The following NOL6 variants were observed in gnomAD, a reference collection of about 807,000 sequenced individuals.
NOL6 encodes nucleolar RNA-associated protein.
NOL6 carries 33 observed loss-of-function variants against 131.7 expected under a neutral mutation model. The ratio of observed to expected loss-of-function variants is 0.25; its 90% CI spans 0.19 to 0.33. The LOEUF is 0.33. Among genes scored for constraint, NOL6 ranks in the 10% least tolerant of loss-of-function variants. The probability of loss-of-function intolerance (pLI) is 1.00; values close to 1 mark genes in which losing one functional copy is unlikely to be tolerated. For synonymous variants in NOL6, 580 were observed against 605.7 expected, an observed-to-expected ratio of 0.96 and a Z score of 0.62; for missense variants, 1,297 against 1,494.5, an observed-to-expected ratio of 0.87 and a Z score of 2.18.
chr9:33,466,890 G>A lies in NOL6; in HGVS notation c.1950+22C>T, dbSNP rs772406512. 24 of 1,611,602 alleles carry A rather than the reference G, an allele frequency of 1.5e-5. No individual in the cohort carries two copies. The highest frequency in any genetic ancestry group is 1.9e-5 in the Non-Finnish European group (22 of 1,178,860). ...CAGATTGATTACTCTACAATCACTAGCCTTGACCCCAAGACCCTTACCTCT... is the reference window on the plus strand; with the variant it reads ...CAGATTGATTACTCTACAATCACTAACCTTGACCCCAAGACCCTTACCTCT... On this transcript the variant is annotated intron_variant, in intron 15 of 25. Coordinates refer to ENST00000297990, the MANE Select transcript of NOL6 (RefSeq NM_022917.5).
chr9:33,467,898 T>C lies in NOL6; in HGVS notation c.1425-30A>G. 6.3e-7 allele frequency: 1 copy of C among 1,581,720 alleles called. No individual in the cohort carries two copies. The highest frequency in any genetic ancestry group is 1.8e-4 in the Middle Eastern group (1 of 5,576). ...AGGGGTACAAAGGGCCAAAGAGGGG[T>C]AATCAGGTTGCTGGCCCCTAGTACC... On this transcript the variant is annotated intron_variant, in intron 11 of 25. Transcript: ENST00000297990. The surrounding 1 kb of genome is among the most constrained non-coding windows in gnomAD (Gnocchi z 4.4).
rs201927267 is a variant in NOL6 at position 33,464,196 on chromosome 9, C to T, written c.2780-35G>A. The T allele has an allele frequency of 6.3e-5, 100 of 1,575,668 alleles. No individual in the cohort carries two copies. In the East Asian group the frequency reaches 2.2e-3, roughly 35 times the overall value. On this transcript the variant is annotated intron_variant, in intron 21 of 25. Coordinates refer to ENST00000297990, the MANE Select transcript of NOL6 (RefSeq NM_022917.5). ...AGAATGGGTCCTGGGTCAGCCTGCT[C>T]CTCCCTGTAAGACACCCTCTACTCC... is the stretch of plus-strand genomic sequence containing the variant.
At chr9:33,469,935 G>T (rs140249289) in intron 4 of NOL6, 77 bp downstream of exon 4, 6 of 1,396,702 alleles carry the variant, frequency 4.3e-6, no homozygotes, top group South Asian at 1.4e-5. Context: ...CCTGGCAAGC[G>T]GCAGATAAGA....
At position 33,469,428 on chromosome 9, in the gene NOL6, C is replaced by G; in HGVS notation, c.727+71G>C. 3 of 1,601,230 alleles carry G rather than the reference C, an allele frequency of 1.9e-6. No homozygotes were observed. The South Asian group carries it at 3.3e-5, about 18-fold the overall frequency. On this transcript the variant is annotated intron_variant, in intron 5 of 25. Transcript: ENST00000297990. The stretch of plus-strand genomic sequence containing the variant: ...CCTGTCCCCCCATACTTGAGGCCTC[C>G]GTGCCTCTGTGCCTTCTCCTCCAGA...
Position 33,469,002 on chromosome 9 carries a change from C to A in NOL6, c.982G>T (p.Val328Leu), listed in dbSNP as rs1236866474. Residue 328 changes from valine to leucine, a missense_variant, in exon 7 of 26, where the codon GTG (valine) becomes TTG (leucine). Transcript: ENST00000297990. ...CGCAGCCAGACCTTCAGAAGTGCCA[C>A]GCCATCCTTCAGGCCCTGGGCTGAA... is the stretch of plus-strand genomic sequence containing the variant. Reference protein sequence around the residue: ...LSSAQGLKDGVALLKVWLRQR... With the variant: ...LSSAQGLKDGLALLKVWLRQR... 6.2e-7 allele frequency: 1 copy of A among 1,614,182 alleles called. No homozygotes were observed. The highest frequency in any genetic ancestry group is 8.5e-7 in the Non-Finnish European group (1 of 1,180,024).
intron 3 of NOL6, among the ~76,000 whole-genome samples, 178 bp downstream of exon 3, chr9:33,471,826 A>G (rs750377109): frequency 6.6e-6 from 1 of 152,262 alleles, no homozygotes; most frequent in Non-Finnish European, 1.5e-5. Context: ...ACTGCAAGGC[A>G]TGGAAGTACT....
rs1049808135 is a variant in NOL6, at chr9:33,462,076, T to C, written c.*588A>G. 5 of 711,776 alleles carry C rather than the reference T, an allele frequency of 7.0e-6. No individual in the cohort carries two copies. Among genetic ancestry groups the C allele is most frequent in the Non-Finnish European group, 1.3e-5 (5 of 381,064 alleles). 44.1% of individuals were successfully genotyped at this position (711,776 alleles called of 1,614,324 possible). Reference sequence around the variant, plus strand: ...CTGTCCTCGGTTCTTTTCCACTGTCTCCACCCTGGGAAGTGGCATCAACAC... The same window carrying C: ...CTGTCCTCGGTTCTTTTCCACTGTCCCCACCCTGGGAAGTGGCATCAACAC... On this transcript the variant is annotated 3_prime_UTR_variant, in exon 26 of 26. Coordinates refer to ENST00000297990, the MANE Select transcript of NOL6 (RefSeq NM_022917.5).
In NOL6 at chr9:33,469,018, C is replaced by T. The variant is rs1178077763; in HGVS notation, c.966G>A (p.Gln322=). The T allele has an allele frequency of 6.2e-7, 1 of 1,614,216 alleles. No individual in the cohort carries two copies. Among genetic ancestry groups the T allele is most frequent in the South Asian group, 1.1e-5 (1 of 91,092 alleles). ...QLLSTILSSA[Q]GLKDGVALLK... Reference sequence around the variant, plus strand: ...GAAGTGCCACGCCATCCTTCAGGCCCTGGGCTGAACTCAGAATGGTTGACA... The same window carrying T: ...GAAGTGCCACGCCATCCTTCAGGCCTTGGGCTGAACTCAGAATGGTTGACA... The change falls in exon 7 of 26, where the codon CAG becomes CAA. Residue 322 remains glutamine, a synonymous_variant. Transcript: ENST00000297990.
chr9:33,467,070 C>G lies in NOL6; in HGVS notation c.1874+44G>C, dbSNP rs1278166173. The G allele has an allele frequency of 1.9e-6, 3 of 1,613,346 alleles. No individual in the cohort carries two copies. In the South Asian group the frequency reaches 3.3e-5, roughly 18 times the overall value. ...CCTGGGCCAGACCCCTGAAAAGGCT[C>G]CCCAGCCCACACTGCCTTCTGGAAT... On this transcript the variant is annotated intron_variant, in intron 14 of 25. Coordinates refer to ENST00000297990, the MANE Select transcript of NOL6 (RefSeq NM_022917.5). The surrounding 1 kb of genome is among the most constrained non-coding windows in gnomAD (Gnocchi z 4.4).
intron 18 of NOL6, 81 bp from the exon 19 acceptor site, chr9:33,465,978 C>T (rs886195637): frequency 6.4e-6 from 10 of 1,572,342 alleles, no homozygotes; most frequent in Non-Finnish European, 6.9e-6. Context: ...GCCCTATTAC[C>T]CAGCGTGGTA....
chr9:33,468,540 T>A lies in NOL6; in HGVS notation c.1174A>T (p.Ile392Phe). ...LATTDLTVNG[I>F]SLCLSSDPSL... ...GGATCTGAGCTGAGACATAAACTGA[T>A]CCCGTTGACTGTCAGGTCTGTAGTG... Residue 392 changes from isoleucine to phenylalanine, a missense_variant, in exon 9 of 26, where the codon ATC (isoleucine) becomes TTC (phenylalanine). Ile to Phe is a conservative substitution (Grantham distance 21). Transcript: ENST00000297990. 1 of 1,614,118 alleles carries A rather than the reference T, an allele frequency of 6.2e-7. No homozygotes were observed.
Position 33,465,342 on chromosome 9 carries a change from G to T in NOL6, c.2546C>A (p.Pro849Gln). 6.3e-7 allele frequency: 1 copy of T among 1,590,246 alleles called. No homozygotes were observed. Among genetic ancestry groups the T allele is most frequent in the Non-Finnish European group, 8.6e-7 (1 of 1,166,944 alleles). ...SALHGLQQQH[P>Q]AFSGVARLAK... is the part of the protein sequence containing the mutation. ...CAGCCGTGCCACACCAGAGAAGGCT[G>T]GGTGCTGCTGCTGCAGTCTGCAGAG... Residue 849 changes from proline (P) to glutamine (Q), a missense_variant, in exon 20 of 26, where the codon CCA becomes CAA. Physicochemically the swap from Pro to Gln is moderately conservative, Grantham distance 76 (BLOSUM62 -1). Transcript: ENST00000297990.
intron 6 of NOL6, 27 bp downstream of exon 6, chr9:33,469,180 T>A (rs1827338063): frequency 6.2e-7 from 1 of 1,614,006 alleles, no homozygotes; most frequent in South Asian, 1.1e-5. Flanking sequence ...TCCCTCCAGC[T>A]CCACCTCAAC....
rs144702673 is a variant in NOL6, at chr9:33,470,563, T to C, written c.379-372A>G. Reference sequence around the variant, plus strand: ...AGCCGGGCATGGCGGCGTGCGCCTGTAGTCCCAGCTGCTGGGGAGGCTGAG... The same window carrying C: ...AGCCGGGCATGGCGGCGTGCGCCTGCAGTCCCAGCTGCTGGGGAGGCTGAG... On this transcript the variant is annotated intron_variant, in intron 3 of 25. Transcript: ENST00000297990. The C allele has an allele frequency of 2.2e-3, 344 of 154,476 alleles. 3 individuals are homozygous for C. In the East Asian group the frequency reaches 0.029, roughly 13 times the overall value. The allele number at this position is 154,476 out of a possible 1,614,324, so 9.6% of individuals were successfully genotyped here.
rs981094953 is a variant in NOL6, at chr9:33,467,327, C to T, written c.1726-65G>A. On this transcript the variant is annotated intron_variant, in intron 13 of 25. Coordinates refer to ENST00000297990, the MANE Select transcript of NOL6 (RefSeq NM_022917.5). The surrounding 1 kb of genome is among the most constrained non-coding windows in gnomAD (Gnocchi z 4.4). The stretch of plus-strand genomic sequence containing the variant: ...GGCTCTGTGGACCCTCCCCAACAAG[C>T]TTCAGTCCAGGTGCCATGAGGACGA... 1 of 1,610,088 alleles carries T rather than the reference C, an allele frequency of 6.2e-7. No individual in the cohort carries two copies. Among genetic ancestry groups the T allele is most frequent in the African/African-American group, 1.3e-5 (1 of 74,878 alleles).
In NOL6 at chr9:33,468,413, C is replaced by T; in HGVS notation, c.1216G>A (p.Ala406Thr). 6.2e-7 allele frequency: 1 copy of T among 1,614,060 alleles called. No individual in the cohort carries two copies. Residue 406 changes from alanine (A) to threonine (T), a missense_variant, in exon 10 of 26, where the codon GCT becomes ACT. Transcript: ENST00000297990. ...LSSDPSLPAL[A>T]DFHQAFSVVF... is the part of the protein sequence containing the mutation. ...ACGGAGAAGGCCTGGTGGAAGTCAG[C>T]CAGGGCCGGCTTGGGGGGTGTAGAG...
rs745492923 is a variant in NOL6 at position 33,469,125 on chromosome 9, T to C, written c.863-4A>G. 5.3e-5 allele frequency: 86 copies of C among 1,613,952 alleles called. No individual in the cohort carries two copies. Among genetic ancestry groups the C allele is most frequent in the Non-Finnish European group, 7.1e-5 (84 of 1,179,970 alleles). Reference sequence around the variant, plus strand: ...GGGGTAGGAGGCTCTGGGCTACCTGTGGGATGAAAAGGGAAGCCATGAGAG... The same window carrying C: ...GGGGTAGGAGGCTCTGGGCTACCTGCGGGATGAAAAGGGAAGCCATGAGAG... On this transcript the variant is annotated splice_polypyrimidine_tract_variant and splice_region_variant and intron_variant, in intron 6 of 25. Transcript: ENST00000297990.
chr9:33,464,110 A>T lies in NOL6; in HGVS notation c.2831T>A (p.Leu944His). 6.2e-7 allele frequency: 1 copy of T among 1,613,422 alleles called. No individual in the cohort carries two copies. Among genetic ancestry groups the T allele is most frequent in the Non-Finnish European group, 8.5e-7 (1 of 1,179,772 alleles). The part of the protein sequence containing the change: ...RSGFLAARAQ[L>H]PVMVIVTPQD... Reference sequence around the variant, plus strand: ...GGGGGTAACAATGACCATGACGGGGAGCTGTGCCCGAGCTGCCAGGAAGCC... The same window carrying T: ...GGGGGTAACAATGACCATGACGGGGTGCTGTGCCCGAGCTGCCAGGAAGCC... Residue 944 changes from leucine to histidine, a missense_variant, in exon 22 of 26, where the codon CTC (leucine) becomes CAC (histidine). Coordinates refer to ENST00000297990, the MANE Select transcript of NOL6 (RefSeq NM_022917.5).
At chr9:33,473,508 A>C (rs1827470344) in intron 1 of NOL6, among the ~76,000 whole-genome samples, 1 of 152,206 alleles carries the variant, frequency 6.6e-6, no homozygotes, top group Non-Finnish European at 1.5e-5. Flanking sequence ...GTCAAGGACC[A>C]CCAAATAAAA....
Sources: gnomAD v4.1 joint callset for allele counts (sites outside exome capture counted in the v4.1 genomes callset) on GRCh38, gnomAD v4.1.1 for gene constraint, Gnocchi (gnomAD v3.1) non-coding constraint, MANE v1.5 for transcripts, NCBI Gene and HGNC (gene_info 2026-07-23, HGNC 2026-07-21) for gene names.